SOCS6: variants seen among roughly 807,000 people sequenced by gnomAD.
SOCS6 encodes STAT induced STAT inhibitor-4.
A neutral mutation model predicts 27.7 loss-of-function variants in SOCS6; 5 were observed. The ratio of observed to expected loss-of-function variants is 0.18; its 90% confidence interval spans 0.09 to 0.38. SOCS6 has a LOEUF of 0.38. Among genes scored for constraint, SOCS6 ranks in the 10% least tolerant of loss-of-function variants. SOCS6 has a pLI of 1.00. For synonymous variants in SOCS6, 271 were observed against 260.0 expected (o/e 1.04, Z -0.41); for missense variants, 595 against 688.1 (o/e 0.86, Z 1.51).
chr18:70,324,979 T>C lies in SOCS6; in HGVS notation c.311T>C (p.Phe104Ser), dbSNP rs760226147. Residue 104 changes from phenylalanine (F) to serine (S), a missense_variant, in exon 2 of 2, where the codon TTC becomes TCC. Transcript: ENST00000397942. ...PSGSSADEDTFSSSSAPIVFK... is the reference protein window; with the variant it reads ...PSGSSADEDTSSSSSAPIVFK... ...GGGAGCTCTGCCGACGAGGACACCT[T>C]CTCCTCCTCCTCAGCACCCATAGTC... The C allele has an allele frequency of 5.6e-6, 9 of 1,612,968 alleles. No homozygotes were observed. Among genetic ancestry groups the C allele is most frequent in the East Asian group, 2.2e-5 (1 of 44,782 alleles).
intron 1 of SOCS6, among the ~76,000 whole-genome samples, chr18:70,304,379 G>GA (rs35224917): frequency 0.19 from 28,362 of 149,518 alleles, 3,302 homozygotes; most frequent in Non-Finnish European, 0.26. Context: ...TGCAATCGGG[G>GA]AAAAAAAAAA....
chr18:70,295,833 C>T (rs2062320413), intron 1 of SOCS6, among the ~76,000 whole-genome samples: 1 of 152,190 alleles, frequency 6.6e-6, no homozygotes, highest in African/African-American at 2.4e-5. Context: ...CAGAGTCACA[C>T]ACCACATTAG....
At position 70,329,061 on chromosome 18, in the gene SOCS6, A is replaced by G. The variant is rs950756952; in HGVS notation, c.*2785A>G. ...AGAATTGTTTTCTATTAAATATTTCATCACGAAATATGATGGAGGCCAGAA... is the reference window on the plus strand; with the variant it reads ...AGAATTGTTTTCTATTAAATATTTCGTCACGAAATATGATGGAGGCCAGAA... On this transcript the variant is annotated 3_prime_UTR_variant, in exon 2 of 2. Transcript: ENST00000397942. The G allele has an allele frequency of 7.2e-5, 12 of 167,226 alleles. No homozygotes were observed. The Admixed American group carries it at 7.8e-4, about 11-fold the overall frequency. The allele number at this position is 167,226 out of a possible 1,614,324, so 10.4% of individuals were successfully genotyped here.
chr18:70,322,347 A>C (rs1424102137), intron 1 of SOCS6, among the ~76,000 whole-genome samples: 1 of 152,240 alleles, frequency 6.6e-6, no homozygotes, highest in Non-Finnish European at 1.5e-5. Context: ...ATGGCCTAAT[A>C]GAACTTTTAT....
chr18:70,299,166 A>G (rs1235711098), intron 1 of SOCS6, among the ~76,000 whole-genome samples: 2 of 152,094 alleles, frequency 1.3e-5, no homozygotes, highest in Non-Finnish European at 2.9e-5. Flanking sequence ...CAGTTAATTC[A>G]GACCCTACCC....
At chr18:70,294,279 C>A (rs1263248782) in intron 1 of SOCS6, among the ~76,000 whole-genome samples, 1 of 151,790 alleles carries the variant, frequency 6.6e-6, no homozygotes, top group Non-Finnish European at 1.5e-5. Flanking sequence ...ACTATTAATT[C>A]TTTTCTGTGT....
intron 1 of SOCS6, among the ~76,000 whole-genome samples, chr18:70,317,400 T>C (rs1431513358): frequency 2.0e-5 from 3 of 152,088 alleles, no homozygotes; most frequent in African/African-American, 4.8e-5. Flanking sequence ...TTCCTTTTTA[T>C]AGCTAAGTAG....
chr18:70,314,560 T>A (rs2062403834), intron 1 of SOCS6, among the ~76,000 whole-genome samples: 1 of 152,208 alleles, frequency 6.6e-6, no homozygotes, highest in Admixed American at 6.5e-5. Context: ...AGCAATAGGC[T>A]ATACCATAAA....
chr18:70,318,976 G>T (rs371668727), intron 1 of SOCS6, among the ~76,000 whole-genome samples: 58 of 152,008 alleles, frequency 3.8e-4, no homozygotes, highest in Middle Eastern at 3.4e-3. Flanking sequence ...GAAGAGAAAA[G>T]AAGAAAGAAA....
chr18:70,325,387 A>G lies in SOCS6; in HGVS notation c.719A>G (p.Tyr240Cys), dbSNP rs371250594. ...TATCCTTTGGAAGGATCACGGAGCT[A>G]TTGTCTGGACAGCTCTTCTCCCATG... Reference protein sequence around the residue: ...GMYPLEGSRSYCLDSSSPMEV... With the variant: ...GMYPLEGSRSCCLDSSSPMEV... The change falls in exon 2 of 2, where the codon TAT (tyrosine) becomes TGT (cysteine). Residue 240 changes from tyrosine to cysteine, a missense_variant. By Grantham distance (194) the Tyr-to-Cys change is radical. This residue lies in a region of SOCS6 where 467 missense variants were observed against 481.1 expected (regional missense o/e 0.97). Transcript: ENST00000397942. This position sits in a 1 kb window ranked among gnomAD's most constrained non-coding sequence, Gnocchi z 6.3. 1.5e-5 allele frequency: 24 copies of G among 1,614,034 alleles called. No homozygotes were observed. The African/African-American group carries it at 2.5e-4, about 17-fold the overall frequency.
chr18:70,297,410 C>T (rs180862001), intron 1 of SOCS6, among the ~76,000 whole-genome samples: 172 of 151,942 alleles, frequency 1.1e-3, no homozygotes, highest in African/African-American at 4.0e-3. Context: ...AATATTAAAC[C>T]CTTCGTTTTT....
chr18:70,290,009 G>C (rs928128653), intron 1 of SOCS6, among the ~76,000 whole-genome samples: 2 of 152,202 alleles, frequency 1.3e-5, no homozygotes, highest in African/African-American at 2.4e-5. Flanking sequence ...CATCCCCACT[G>C]TTTGGAATGA....
chr18:70,310,536 G>A (rs2146279810), intron 1 of SOCS6, among the ~76,000 whole-genome samples: 1 of 139,776 alleles, frequency 7.2e-6, no homozygotes, highest in South Asian at 2.2e-4. Context: ...TTGAACTCCT[G>A]GGCTCAAGCA....
rs576465517 is a variant in SOCS6, at chr18:70,329,138, A to G, written c.*2862A>G. The G allele has an allele frequency of 3.0e-5, 5 of 167,244 alleles. No individual in the cohort carries two copies. Among genetic ancestry groups the G allele is most frequent in the South Asian group, 2.1e-4 (1 of 4,824 alleles). The allele number at this position is 167,244 out of a possible 1,614,324, so 10.4% of individuals were successfully genotyped here. A position where few individuals can be genotyped will look rare whatever the true frequency, so the allele number is the denominator to read the frequency against. On this transcript the variant is annotated 3_prime_UTR_variant, in exon 2 of 2. Coordinates refer to ENST00000397942, the MANE Select transcript of SOCS6 (RefSeq NM_004232.4). ...ATTATGCATTTTTATAAATAAGAAG[A>G]AGGCTGTAGAAAGTACTTGAAAAAT... is the stretch of plus-strand genomic sequence containing the variant.
rs1208976334 is a variant in SOCS6 at position 70,328,576 on chromosome 18, A to G, written c.*2300A>G. 6.0e-6 allele frequency: 1 copy of G among 167,034 alleles called. No homozygotes were observed. Among genetic ancestry groups the G allele is most frequent in the African/African-American group, 2.4e-5 (1 of 41,466 alleles). 10.3% of individuals were successfully genotyped at this position (167,034 alleles called of 1,614,324 possible). A position where few individuals can be genotyped will look rare whatever the true frequency, so the allele number is the denominator to read the frequency against. ...TGATACTGTTCTAATTCAGAAAGCCAAATTTTGATGCGCTTTTGTATATTC... is the reference window on the plus strand; with the variant it reads ...TGATACTGTTCTAATTCAGAAAGCCGAATTTTGATGCGCTTTTGTATATTC... On this transcript the variant is annotated 3_prime_UTR_variant, in exon 2 of 2. Coordinates refer to ENST00000397942, the MANE Select transcript of SOCS6 (RefSeq NM_004232.4).
At chr18:70,297,970 G>A (rs1475438123) in intron 1 of SOCS6, among the ~76,000 whole-genome samples, 1 of 152,138 alleles carries the variant, frequency 6.6e-6, no homozygotes, top group Admixed American at 6.5e-5. Flanking sequence ...CTATGTGAAA[G>A]CATTTGAATA....
chr18:70,290,781 ATC>A (rs2062295432), intron 1 of SOCS6, among the ~76,000 whole-genome samples: 1 of 146,604 alleles, frequency 6.8e-6, no homozygotes, highest in African/African-American at 2.5e-5. Context: ...TCCATTCAGC[ATC>A]TCTTTTGAAA....
At chr18:70,308,203 G>T (rs932555116) in intron 1 of SOCS6, among the ~76,000 whole-genome samples, 1 of 152,014 alleles carries the variant, frequency 6.6e-6, no homozygotes, top group Non-Finnish European at 1.5e-5. Context: ...TATAATTATA[G>T]TATCAGTCTT....
rs1415261337 is a variant in SOCS6 at position 70,329,166 on chromosome 18, C to T, written c.*2890C>T. On this transcript the variant is annotated 3_prime_UTR_variant, in exon 2 of 2. Coordinates refer to ENST00000397942, the MANE Select transcript of SOCS6 (RefSeq NM_004232.4). ...GCTGTAGAAAGTACTTGAAAAATAT[C>T]TAATTCTCTTTCTGTCTAAGGAAAA... The T allele has an allele frequency of 6.0e-6, 1 of 167,028 alleles. No homozygotes were observed. Among genetic ancestry groups the T allele is most frequent in the Non-Finnish European group, 1.5e-5 (1 of 68,100 alleles). 10.3% of individuals were successfully genotyped at this position (167,028 alleles called of 1,614,324 possible). A position where few individuals can be genotyped will look rare whatever the true frequency, so the allele number is the denominator to read the frequency against.
Sources: gnomAD v4.1 joint callset for allele counts (sites outside exome capture counted in the v4.1 genomes callset) on GRCh38, gnomAD v4.1.1 for gene constraint, gnomAD v4.1.1 regional missense constraint, Gnocchi (gnomAD v3.1) non-coding constraint, MANE v1.5 for transcripts, NCBI Gene and HGNC (gene_info 2026-07-23, HGNC 2026-07-21) for gene names.